The following CSF2RA variants were observed in gnomAD, a reference collection of about 807,000 sequenced individuals.
CSF2RA encodes colony stimulating factor 2 receptor subunit alpha.
Under a neutral mutation model 51.6 loss-of-function variants are expected in CSF2RA, and 42 were observed. That is an observed-to-expected ratio of 0.81 (90% CI 0.64 to 1.05). The LOEUF (loss-of-function observed/expected upper bound fraction) is 1.05, where lower values mean the gene tolerates loss of function less well. CSF2RA is among the 50% of genes least tolerant of loss of function. CSF2RA has a pLI of 0.00. For missense variants in CSF2RA, 530 were observed against 501.1 expected (o/e 1.06, Z -0.55); for synonymous variants, 222 against 193.0 (o/e 1.15, Z -1.24).
At chrX:1,282,274 G>C (rs28584401) in intron 2 of CSF2RA, 70,371 of 203,786 alleles carry the variant, frequency 0.35, 13,550 homozygotes, top group East Asian at 0.68. Context: ...CTGAGCCATC[G>C]TTTATCTTAT....
intron 2 of CSF2RA, chrX:1,281,910 G>T: frequency 6.9e-6 from 1 of 145,164 alleles, no homozygotes; most frequent in Non-Finnish European, 1.5e-5. Flanking sequence ...ATATAAAAGA[G>T]CAGGGCCGGG....
chrX:1,310,493 C>G (rs1276363379), downstream of CSF2RA: 1 of 151,642 alleles, frequency 6.6e-6, no homozygotes, highest in Non-Finnish European at 1.5e-5. Flanking sequence ...ATAGTGAAAC[C>G]CCATCTCTAC....
At chrX:1,277,261 G>T (rs189216944) in intron 2 of CSF2RA, among the ~76,000 whole-genome samples, 22 of 151,996 alleles carry the variant, frequency 1.4e-4, no homozygotes, top group African/African-American at 5.1e-4. Context: ...AAAGGGGTTC[G>T]GATCCAGCCC....
the CSF2RA span, among the ~76,000 whole-genome samples, chrX:1,321,287 A>AGG: frequency 6.6e-6 from 1 of 151,776 alleles, no homozygotes; most frequent in Non-Finnish European, 1.5e-5. Context: ...GGCTAACACA[A>AGG]TGAAACCCTT....
the CSF2RA span, among the ~76,000 whole-genome samples, chrX:1,322,905 A>G: frequency 0.66 from 98,695 of 150,390 alleles, 32,033 homozygotes; most frequent in Admixed American, 0.69. Context: ...CAAGACAGGC[A>G]GATCACGAGG....
intron 2 of CSF2RA, among the ~76,000 whole-genome samples, chrX:1,277,379 C>CCT (rs1471699780): frequency 1.3e-5 from 2 of 149,186 alleles, no homozygotes; most frequent in East Asian, 2.0e-4. Context: ...GGGCGGATCA[C>CCT]GAGGTCAGGA....
chrX:1,316,715 G>A, the CSF2RA span, among the ~76,000 whole-genome samples: 1 of 152,168 alleles, frequency 6.6e-6, no homozygotes, highest in African/African-American at 2.4e-5. Flanking sequence ...GAGATCAACA[G>A]CACCACCACC....
At chrX:1,282,395 G>T (rs2033510152) in intron 2 of CSF2RA, 4 of 538,934 alleles carry the variant, frequency 7.4e-6, no homozygotes, top group South Asian at 6.8e-5. Flanking sequence ...TCAGCTATGG[G>T]TTCCCTCATG....
chrX:1,305,902 G>T (rs2083514903), intron 12 of CSF2RA: 1 of 959,844 alleles, frequency 1.0e-6, no homozygotes, highest in South Asian at 1.5e-5. Flanking sequence ...CCAACGTGGT[G>T]AAACCCCATC....
At chrX:1,284,060 A>C (rs1317437393) in intron 3 of CSF2RA, among the ~76,000 whole-genome samples, 1 of 152,058 alleles carries the variant, frequency 6.6e-6, no homozygotes, top group East Asian at 1.9e-4. Flanking sequence ...CTGTTTCTGC[A>C]ATTTTCTCAA....
intron 8 of CSF2RA, 92 bp downstream of exon 8, chrX:1,294,553 G>C: frequency 6.5e-7 from 1 of 1,547,172 alleles, no homozygotes; most frequent in Non-Finnish European, 8.9e-7. Context: ...AAGTGGCCTG[G>C]GGGAAGGATG....
downstream of CSF2RA, among the ~76,000 whole-genome samples, chrX:1,314,433 G>GCACTGCACCTGCCCAATCC (rs2084374021): frequency 9.0e-6 from 1 of 111,174 alleles, no homozygotes; most frequent in African/African-American, 4.2e-5. Flanking sequence ...CTGCCCAACC[G>GCACTGCACCTGCCCAATCC]CACTGCACTT....
intron 1 of CSF2RA, among the ~76,000 whole-genome samples, chrX:1,270,772 TG>T (rs1406735981): frequency 6.6e-6 from 1 of 151,044 alleles, no homozygotes; most frequent in Non-Finnish European, 1.5e-5. Context: ...CCCTCTAAGC[TG>T]GGCGTGGTGT....
At chrX:1,316,087 A>AGATAGATAG in the CSF2RA span, among the ~76,000 whole-genome samples, 1 of 133,144 alleles carries the variant, frequency 7.5e-6, no homozygotes, top group Non-Finnish European at 1.6e-5. Context: ...TAGAATAGAT[A>AGATAGATAG]AATGGATAGA....
downstream of CSF2RA, chrX:1,310,044 A>T (rs1380148654): frequency 2.8e-6 from 1 of 362,554 alleles, no homozygotes; most frequent in Admixed American, 4.3e-5. Context: ...AAAAGGCAAA[A>T]ATTAGCTGGG....
intron 4 of CSF2RA, chrX:1,287,087 C>G (rs1364751555): frequency 1.3e-5 from 2 of 149,836 alleles, no homozygotes; most frequent in Non-Finnish European, 3.0e-5. Flanking sequence ...ATAATCAATT[C>G]TATAGGTAGA....
rs1445606643 is a variant in CSF2RA at position 1,309,818 on chromosome X, G to A, written c.*339G>A. 3 of 613,656 alleles carry A rather than the reference G, an allele frequency of 4.9e-6. No individual in the cohort carries two copies. The highest frequency in any genetic ancestry group is 8.7e-6 in the Non-Finnish European group (3 of 345,034). 38.0% of individuals were successfully genotyped at this position (613,656 alleles called of 1,614,324 possible). On this transcript the variant is annotated 3_prime_UTR_variant, in exon 13 of 13. Coordinates refer to ENST00000381529, the MANE Select transcript of CSF2RA (RefSeq NM_172245.4). The stretch of plus-strand genomic sequence containing the variant: ...CAGGAGAATTGCTTGAACCCGTGAG[G>A]CGGAGGTTGTAGTGAGCCAAGATCG...
intron 9 of CSF2RA, among the ~76,000 whole-genome samples, chrX:1,299,206 A>G (rs1388197771): frequency 6.6e-6 from 1 of 152,120 alleles, no homozygotes; most frequent in South Asian, 2.1e-4. Flanking sequence ...TGGGTTAAGA[A>G]TATATTCTAG....
intron 9 of CSF2RA, among the ~76,000 whole-genome samples, chrX:1,296,097 C>T (rs1325593918): frequency 6.6e-5 from 10 of 151,254 alleles, no homozygotes; most frequent in African/African-American, 1.9e-4. Flanking sequence ...CCCTACAATC[C>T]CCTACTCACC....
Sources: allele counts gnomAD v4.1 joint callset (sites outside exome capture counted in the v4.1 genomes callset), GRCh38; gene constraint gnomAD v4.1.1; transcripts MANE v1.5; gene names NCBI Gene and HGNC (gene_info 2026-07-23, HGNC 2026-07-21).